The following MAB21L3 variants were observed in gnomAD, a reference collection of about 807,000 sequenced individuals.
MAB21L3 encodes the protein mab-21 like 3, also known as protein mab-21-like 3.
Under a neutral mutation model 37.7 loss-of-function variants are expected in MAB21L3, and 36 were observed. That is an observed-to-expected ratio of 0.96 (90% CI 0.73 to 1.26). The LOEUF is 1.26. Among genes scored for constraint, MAB21L3 ranks in the 50% most tolerant of loss-of-function variants. MAB21L3 has a pLI of 0.00. For missense variants in MAB21L3, 430 were observed against 447.3 expected, an observed-to-expected ratio of 0.96 and a Z score of 0.35; for synonymous variants, 186 against 176.8, an observed-to-expected ratio of 1.05 and a Z score of -0.41.
intron 7 of MAB21L3, among the ~76,000 whole-genome samples, chr1:116,131,534 A>G (rs940805991): frequency 6.6e-6 from 1 of 152,064 alleles, no homozygotes; most frequent in African/African-American, 2.4e-5. Flanking sequence ...TTTGTTTTTG[A>G]GACGGAGTCT....
intron 4 of MAB21L3, 58 bp from the exon 5 acceptor site, chr1:116,124,008 T>C (rs1371940360): frequency 3.5e-5 from 53 of 1,533,756 alleles, no homozygotes; most frequent in Non-Finnish European, 4.6e-5. Context: ...TCCCAGGACT[T>C]CCGTTACCTC....
intron 5 of MAB21L3, 61 bp from the exon 6 acceptor site, chr1:116,127,405 T>C: frequency 6.5e-7 from 1 of 1,530,860 alleles, no homozygotes; most frequent in South Asian, 1.3e-5. Flanking sequence ...ATTTCTTGTT[T>C]GAACGCTTGT....
intron 3 of MAB21L3, among the ~76,000 whole-genome samples, chr1:116,115,317 G>A (rs1452925211): frequency 1.3e-5 from 2 of 152,174 alleles, no homozygotes; most frequent in African/African-American, 4.8e-5. Flanking sequence ...ATTCATGGAA[G>A]AATTAGTCTA....
At chr1:116,121,515 C>T (rs1200681007) in intron 4 of MAB21L3, among the ~76,000 whole-genome samples, 5 of 152,216 alleles carry the variant, frequency 3.3e-5, no homozygotes, top group Admixed American at 3.3e-4. Flanking sequence ...AAAGCACATT[C>T]CGCTGTCACA....
chr1:116,123,585 T>G (rs112030653), intron 4 of MAB21L3, among the ~76,000 whole-genome samples: 34 of 152,348 alleles, frequency 2.2e-4, no homozygotes, highest in African/African-American at 7.9e-4. Flanking sequence ...ATTCTGACTC[T>G]TCTACTTACT....
rs1660170667 is a variant in MAB21L3 at position 116,134,957 on chromosome 1, T to TA, written c.*1592_*1593insA. 1 of 152,192 alleles carries TA rather than the reference T, an allele frequency of 6.6e-6. No individual in the cohort carries two copies. The highest frequency in any genetic ancestry group is 1.5e-5 in the Non-Finnish European group (1 of 68,026). 9.4% of individuals were successfully genotyped at this position (152,192 alleles called of 1,614,324 possible). A position where few individuals can be genotyped will look rare whatever the true frequency, so the allele number is the denominator to read the frequency against. On this transcript the variant is annotated 3_prime_UTR_variant, in exon 8 of 8. Transcript: ENST00000369500. ...AAATTTCTAAAGCATGAACTACTGA[T>TA]TTTGTTTTCATGAAAATTCACATTT...
intron 3 of MAB21L3, 29 bp from the exon 4 acceptor site, chr1:116,120,903 C>A: frequency 5.6e-6 from 9 of 1,611,922 alleles, no homozygotes; most frequent in Non-Finnish European, 6.8e-6. Context: ...GAGGAAATAA[C>A]CACCATTGCT....
chr1:116,114,274 C>T (rs557043497), intron 3 of MAB21L3, among the ~76,000 whole-genome samples: 1 of 152,132 alleles, frequency 6.6e-6, no homozygotes, highest in Non-Finnish European at 1.5e-5. Context: ...TTTCCTTTGA[C>T]ATTCAGAGTA....
intron 7 of MAB21L3, 105 bp from the exon 8 acceptor site, chr1:116,133,027 C>T (rs1660115167): frequency 2.1e-6 from 2 of 957,290 alleles, no homozygotes; most frequent in Non-Finnish European, 3.2e-6. Context: ...GCCCAGGCAA[C>T]TCTTTTCTCC....
chr1:116,118,246 G>C (rs987064984), intron 3 of MAB21L3, among the ~76,000 whole-genome samples: 1 of 152,106 alleles, frequency 6.6e-6, no homozygotes, highest in African/African-American at 2.4e-5. Context: ...GCCAGGTGTG[G>C]TGGCACGTGC....
intron 3 of MAB21L3, among the ~76,000 whole-genome samples, chr1:116,119,276 A>T (rs1282250305): frequency 6.6e-6 from 1 of 152,208 alleles, no homozygotes; most frequent in East Asian, 1.9e-4. Context: ...ACCACAGAGG[A>T]CATGCTAAAC....
intron 4 of MAB21L3, 137 bp from the exon 5 acceptor site, chr1:116,123,928 GT>G (rs1220185226): frequency 3.9e-6 from 3 of 776,644 alleles, no homozygotes; most frequent in Non-Finnish European, 4.2e-6. Flanking sequence ...CCAGGTCGAG[GT>G]CTCCGTGTAT....
chr1:116,124,817 AACTG>A (rs926970984), intron 5 of MAB21L3, among the ~76,000 whole-genome samples: 67 of 152,028 alleles, frequency 4.4e-4, no homozygotes, highest in Admixed American at 4.1e-3. Flanking sequence ...AGCCATAAAG[AACTG>A]ACTAAGTTTG....
At chr1:116,114,042 C>T (rs1431611329) in intron 3 of MAB21L3, among the ~76,000 whole-genome samples, 1 of 152,192 alleles carries the variant, frequency 6.6e-6, no homozygotes, top group African/African-American at 2.4e-5. Flanking sequence ...ACTCAGAGTC[C>T]ACTTTCTCAA....
At chr1:116,118,442 C>T (rs559205071) in intron 3 of MAB21L3, among the ~76,000 whole-genome samples, 5 of 152,024 alleles carry the variant, frequency 3.3e-5, no homozygotes, top group Admixed American at 6.6e-5. Context: ...TTCTTCCATT[C>T]ACCCTTAATC....
At chr1:116,124,001 C>G (rs1039802156) in intron 4 of MAB21L3, 65 bp from the exon 5 acceptor site, 24 of 1,523,064 alleles carry the variant, frequency 1.6e-5, no homozygotes, top group Non-Finnish European at 2.0e-5. Flanking sequence ...GGTTGGTTCC[C>G]AGGACTTCCG....
In MAB21L3 at chr1:116,135,937, C is replaced by T. The variant is rs1249393063; in HGVS notation, c.*2572C>T. ...TTGACAAAATTCAACAACCTTCATG[C>T]TAAAAACTCTCAATAAATTAGGTAT... On this transcript the variant is annotated 3_prime_UTR_variant, in exon 8 of 8. Transcript: ENST00000369500. Among the ~76,000 whole-genome samples the T allele has an allele frequency of 6.6e-6, 1 of 151,360 alleles. No homozygotes were observed. Among genetic ancestry groups the T allele is most frequent in the Non-Finnish European group, 1.5e-5 (1 of 67,960 alleles).
In MAB21L3 at chr1:116,129,454, G is replaced by A. The variant is rs1660010217; in HGVS notation, c.855+1115G>A. Among the ~76,000 whole-genome samples, 2 of 152,170 alleles carry A rather than the reference G, an allele frequency of 1.3e-5. 1 individual carries two copies. The highest frequency in any genetic ancestry group is 4.1e-4 in the South Asian group (2 of 4,828). On this transcript the variant is annotated intron_variant, in intron 7 of 7. Transcript: ENST00000369500. ...CCTCCTCCCTGGCCCCAGAAAGGATGGACTCCCTTTCTACTCAGGTAAGCA... is the reference window on the plus strand; with the variant it reads ...CCTCCTCCCTGGCCCCAGAAAGGATAGACTCCCTTTCTACTCAGGTAAGCA...
At position 116,129,213 on chromosome 1, in the gene MAB21L3, G is replaced by A. The variant is rs142937428; in HGVS notation, c.855+874G>A. On this transcript the variant is annotated intron_variant, in intron 7 of 7. Transcript: ENST00000369500. ...GGCTCTGTGAAGGCTCAGAGCAGCA[G>A]AGCCTGACCTGGACTGGGCAGTCAG... Among the ~76,000 whole-genome samples, 1,393 of 150,460 alleles carry A rather than the reference G, an allele frequency of 9.3e-3. 15 individuals are homozygous for A. Among genetic ancestry groups the A allele is most frequent in the African/African-American group, 0.033 (1,318 of 39,996 alleles).
Sources: allele counts gnomAD v4.1 joint callset (sites outside exome capture counted in the v4.1 genomes callset), GRCh38; gene constraint gnomAD v4.1.1; transcripts MANE v1.5; gene names NCBI Gene and HGNC (gene_info 2026-07-23, HGNC 2026-07-21).